Variants in ARPC1A observed in about 807,000 individuals in gnomAD.
ARPC1A encodes the protein actin related protein 2/3 complex subunit 1A.
A neutral mutation model predicts 46.9 loss-of-function variants in ARPC1A; 8 were observed. That is an observed-to-expected ratio of 0.17 (90% CI 0.10 to 0.31). The LOEUF is 0.31. Ranked by LOEUF, ARPC1A falls within the 10% of genes least tolerant of loss-of-function variation. The probability of loss-of-function intolerance (pLI) is 1.00; values close to 1 mark genes in which losing one functional copy is unlikely to be tolerated. For synonymous variants in ARPC1A, 152 were observed against 169.0 expected, an observed-to-expected ratio of 0.90 and a Z score of 0.78; for missense variants, 286 against 483.6, an observed-to-expected ratio of 0.59 and a Z score of 3.83.
chr7:99,363,508 T>C (rs1449548565), intron 8 of ARPC1A, 35 bp from the exon 9 acceptor site: 1 of 1,498,442 alleles, frequency 6.7e-7, no homozygotes, highest in Non-Finnish European at 9.3e-7. Flanking sequence ...TTCCACTACA[T>C]ACCTTACGAT....
At chr7:99,338,575 T>C (rs1272219863) in intron 3 of ARPC1A, among the ~76,000 whole-genome samples, 1 of 151,560 alleles carries the variant, frequency 6.6e-6, no homozygotes, top group Admixed American at 6.6e-5. Context: ...TTAGTAGAGA[T>C]AGGTTTCACC....
intron 4 of ARPC1A, among the ~76,000 whole-genome samples, chr7:99,347,839 A>G (rs1488633948): frequency 6.6e-6 from 1 of 152,052 alleles, no homozygotes; most frequent in Non-Finnish European, 1.5e-5. Context: ...CAAAAAAAAA[A>G]AAAAAAGAAA....
chr7:99,343,026 A>T (rs180985851), intron 3 of ARPC1A, among the ~76,000 whole-genome samples: 54 of 152,200 alleles, frequency 3.5e-4, no homozygotes, highest in Non-Finnish European at 1.5e-5. Context: ...ACTATGACTT[A>T]TGGGTAATTG....
chr7:99,360,148 G>A (rs1432214185), intron 8 of ARPC1A: 2 of 208,960 alleles, frequency 9.6e-6, no homozygotes, highest in Non-Finnish European at 2.0e-5. Flanking sequence ...CAGCCTGTTG[G>A]AAAAGGTAAC....
At chr7:99,343,488 G>T (rs534588109) in intron 3 of ARPC1A, among the ~76,000 whole-genome samples, 11 of 151,416 alleles carry the variant, frequency 7.3e-5, no homozygotes, top group Non-Finnish European at 1.2e-4. Context: ...AGAAAGAAAA[G>T]AAAAGAAAAT....
intron 5 of ARPC1A, among the ~76,000 whole-genome samples, chr7:99,349,662 C>T (rs907528267): frequency 5.3e-5 from 8 of 152,046 alleles, no homozygotes; most frequent in Non-Finnish European, 8.8e-5. Context: ...CACAGTGAAA[C>T]CCCGTCTCTA....
rs1469411273 is a variant in ARPC1A, at chr7:99,362,648, G to T, written c.984-895G>T. Among the ~76,000 whole-genome samples, 15 of 143,340 alleles carry T rather than the reference G, an allele frequency of 1.0e-4. No individual in the cohort carries two copies. The East Asian group carries it at 2.2e-3, about 21-fold the overall frequency. The allele number at this position is 143,340 out of a possible 152,430, so 94.0% of individuals were successfully genotyped here. A position where few individuals can be genotyped will look rare whatever the true frequency, so the allele number is the denominator to read the frequency against. Reference sequence around the variant, plus strand: ...TGAGCCACTGCACCTGGCCTTTGTTGTTTTTTTTTTTTATTTAAGCTCACA... The same window carrying T: ...TGAGCCACTGCACCTGGCCTTTGTTTTTTTTTTTTTTTATTTAAGCTCACA... On this transcript the variant is annotated intron_variant, in intron 8 of 9. Transcript: ENST00000262942.
Position 99,365,974 on chromosome 7 carries a change from C to T in ARPC1A, c.*45C>T. ...ATCCAGCATGACAAACTGTGGCCGA[C>T]CGCAGCTGTGCCGTGGCACGATGGC... On this transcript the variant is annotated 3_prime_UTR_variant, in exon 10 of 10. Transcript: ENST00000262942. The T allele has an allele frequency of 6.5e-7, 1 of 1,549,532 alleles. No individual in the cohort carries two copies. Among genetic ancestry groups the T allele is most frequent in the Non-Finnish European group, 8.7e-7 (1 of 1,143,300 alleles).
rs1406855531 is a variant in ARPC1A at position 99,361,552 on chromosome 7, C to G, written c.983+1814C>G. Among the ~76,000 whole-genome samples the G allele has an allele frequency of 2.6e-5, 4 of 151,752 alleles. No homozygotes were observed. In the East Asian group the frequency reaches 7.7e-4, roughly 29 times the overall value. Reference sequence around the variant, plus strand: ...TTTCTCCTTCTATAGCAAAACTCACCTTTTCTCCATTCTTTAGGTTTCTCT... The same window carrying G: ...TTTCTCCTTCTATAGCAAAACTCACGTTTTCTCCATTCTTTAGGTTTCTCT... On this transcript the variant is annotated intron_variant, in intron 8 of 9. Transcript: ENST00000262942.
chr7:99,329,790 A>C (rs146673720), intron 1 of ARPC1A, among the ~76,000 whole-genome samples: 2,053 of 152,338 alleles, frequency 0.013, 23 homozygotes, highest in Non-Finnish European at 0.019. Flanking sequence ...TTTTGTCTGC[A>C]GCTGTACTTT....
chr7:99,364,180 C>T (rs1195195716), intron 9 of ARPC1A, among the ~76,000 whole-genome samples: 1 of 152,040 alleles, frequency 6.6e-6, no homozygotes, highest in Non-Finnish European at 1.5e-5. Context: ...GTCTTGAACT[C>T]CTGGCCTCAT....
At chr7:99,331,083 T>C (rs1343908155) in intron 1 of ARPC1A, among the ~76,000 whole-genome samples, 1 of 152,238 alleles carries the variant, frequency 6.6e-6, no homozygotes, top group Non-Finnish European at 1.5e-5. Flanking sequence ...CACATTCACA[T>C]TCTATATATT....
intron 3 of ARPC1A, among the ~76,000 whole-genome samples, 162 bp downstream of exon 3, chr7:99,338,447 G>T (rs546783470): frequency 7.1e-6 from 1 of 141,506 alleles, no homozygotes; most frequent in East Asian, 2.1e-4. Context: ...CTGCAATGGC[G>T]CAATCTCGGC....
At chr7:99,327,070 A>C (rs762508386) in intron 1 of ARPC1A, among the ~76,000 whole-genome samples, 43 of 152,148 alleles carry the variant, frequency 2.8e-4, no homozygotes, top group Non-Finnish European at 5.3e-4. Flanking sequence ...CCTCAATTTT[A>C]TCTAGTCTTG....
chr7:99,345,934 C>T (rs1793437653), intron 4 of ARPC1A, among the ~76,000 whole-genome samples: 1 of 152,126 alleles, frequency 6.6e-6, no homozygotes, highest in African/African-American at 2.4e-5. Flanking sequence ...GAGTTATGGG[C>T]CAGGTACAGT....
chr7:99,338,390 T>TTTTTTG (rs1793294091), intron 3 of ARPC1A, 105 bp downstream of exon 3: 1 of 798,184 alleles, frequency 1.3e-6, no homozygotes, highest in Non-Finnish European at 1.8e-6. Flanking sequence ...TTTTTTTTTT[T>TTTTTTG]TTTTTTTTTT....
chr7:99,364,260 ATCTCTCTCTTTTT>A (rs1175306812), intron 9 of ARPC1A, among the ~76,000 whole-genome samples: 3 of 134,418 alleles, frequency 2.2e-5, no homozygotes, highest in East Asian at 2.4e-4. Flanking sequence ...AGCCTTGGAG[ATCTCTCTCTTTTT>A]TTTTTTTTTT....
At chr7:99,359,131 G>A (rs1049817894) in intron 7 of ARPC1A, among the ~76,000 whole-genome samples, 7 of 149,074 alleles carry the variant, frequency 4.7e-5, no homozygotes, top group East Asian at 2.2e-4. Context: ...GTGCCCGGCC[G>A]CTCACTTTTA....
At chr7:99,350,730 C>T (rs554300698) in intron 5 of ARPC1A, among the ~76,000 whole-genome samples, 1 of 142,522 alleles carries the variant, frequency 7.0e-6, no homozygotes, top group South Asian at 2.3e-4. Context: ...CCTGCAGCTT[C>T]GACCTCCCGG....
Sources: gnomAD v4.1 joint callset for allele counts (sites outside exome capture counted in the v4.1 genomes callset) on GRCh38, gnomAD v4.1.1 for gene constraint, MANE v1.5 for transcripts, NCBI Gene and HGNC (gene_info 2026-07-23, HGNC 2026-07-21) for gene names.